Variants in BMPR1B observed in about 807,000 individuals in gnomAD.
BMPR1B encodes the protein bone morphogenetic protein receptor type-1B.
Under a neutral mutation model 59.1 loss-of-function variants are expected in BMPR1B, and 12 were observed. That is an observed-to-expected ratio of 0.20 (90% CI 0.13 to 0.33). The LOEUF (loss-of-function observed/expected upper bound fraction) is 0.33, where lower values mean the gene tolerates loss of function less well. Among genes scored for constraint, BMPR1B ranks in the 10% least tolerant of loss-of-function variants. BMPR1B has a pLI of 1.00. For synonymous variants in BMPR1B, 237 were observed against 207.3 expected (o/e 1.14, Z -1.23); for missense variants, 550 against 610.9 (o/e 0.90, Z 1.05).
intron 12 of BMPR1B, among the ~76,000 whole-genome samples, chr4:95,154,262 A>G (rs1735256369): frequency 6.6e-6 from 1 of 152,222 alleles, no homozygotes; most frequent in African/African-American, 2.4e-5. Flanking sequence ...TGAGTGGAAT[A>G]CAGACTCCCT....
chr4:95,103,449 C>G lies in BMPR1B; in HGVS notation c.-17-959C>G, dbSNP rs565486506. Reference sequence around the variant, plus strand: ...GAGAGATTTTAAATTGAAAACTGCTCACGGTGACAATTTATGCAGTTACAT... The same window carrying G: ...GAGAGATTTTAAATTGAAAACTGCTGACGGTGACAATTTATGCAGTTACAT... On this transcript the variant is annotated intron_variant, in intron 3 of 12. Transcript: ENST00000515059. 9 of 985,136 alleles carry G rather than the reference C, an allele frequency of 9.1e-6. No homozygotes were observed. The East Asian group carries it at 3.4e-4, about 37-fold the overall frequency. The allele number at this position is 985,136 out of a possible 1,614,324, so 61.0% of individuals were successfully genotyped here. A position where few individuals can be genotyped will look rare whatever the true frequency, so the allele number is the denominator to read the frequency against.
intron 1 of BMPR1B, among the ~76,000 whole-genome samples, chr4:94,790,772 T>G (rs2110601707): frequency 6.6e-6 from 1 of 152,348 alleles, no homozygotes; most frequent in South Asian, 2.1e-4. Flanking sequence ...TTTTGGTAAC[T>G]TTTAAATGAA....
At position 94,921,878 on chromosome 4, in the gene BMPR1B, GT is replaced by G. The variant is rs762386775; in HGVS notation, c.-113+45980del. 4.9e-4 allele frequency among the ~76,000 whole-genome samples: 75 copies of G among 151,940 alleles called. No homozygotes were observed. The Middle Eastern group carries it at 0.014, about 28-fold the overall frequency. ...AGTCCTTTTTTTGTAATCTAAATAT[GT>G]TCATCTTTAAAAGAAGATCCTAATA... On this transcript the variant is annotated intron_variant, in intron 2 of 12. Transcript: ENST00000515059.
At chr4:94,971,355 C>T (rs896811500) in intron 2 of BMPR1B, among the ~76,000 whole-genome samples, 2 of 152,060 alleles carry the variant, frequency 1.3e-5, no homozygotes, top group Non-Finnish European at 2.9e-5. Context: ...ATAAAACCTA[C>T]TAAGGGTATG....
rs952078368 is a variant in BMPR1B, at chr4:94,906,143, C to G, written c.-113+30243C>G. 7.9e-5 allele frequency among the ~76,000 whole-genome samples: 12 copies of G among 152,022 alleles called. No individual in the cohort carries two copies. The Middle Eastern group carries it at 0.01, about 129-fold the overall frequency. ...ATTCACATTATCTCCAATGACTCTA[C>G]TTTTTCCTGGCTGCTAAAGATAAAT... On this transcript the variant is annotated intron_variant, in intron 2 of 12. Coordinates refer to ENST00000515059, the MANE Select transcript of BMPR1B (RefSeq NM_001203.3).
intron 2 of BMPR1B, among the ~76,000 whole-genome samples, chr4:94,887,732 A>G (rs936423597): frequency 5.9e-5 from 9 of 152,078 alleles, no homozygotes; most frequent in Non-Finnish European, 1.0e-4. Flanking sequence ...AAAATGGGTC[A>G]TAGAGAAAGT....
chr4:95,138,892 G>T (rs1039425591), intron 10 of BMPR1B, among the ~76,000 whole-genome samples: 2 of 152,142 alleles, frequency 1.3e-5, no homozygotes, highest in Admixed American at 1.3e-4. Flanking sequence ...AATGCCGATT[G>T]TCTGAAGCCT....
At chr4:94,906,204 A>G (rs1476148489) in intron 2 of BMPR1B, among the ~76,000 whole-genome samples, 1 of 151,988 alleles carries the variant, frequency 6.6e-6, no homozygotes, top group Non-Finnish European at 1.5e-5. Flanking sequence ...CTGTTGATAT[A>G]TTGGGTAAGT....
chr4:94,978,957 CA>C (rs1164095445), intron 2 of BMPR1B, among the ~76,000 whole-genome samples: 1 of 151,636 alleles, frequency 6.6e-6, no homozygotes, highest in East Asian at 1.9e-4. Context: ...CATACACACA[CA>C]CACACACACA....
chr4:94,970,973 A>G (rs1358849597), intron 2 of BMPR1B, among the ~76,000 whole-genome samples: 1 of 152,218 alleles, frequency 6.6e-6, no homozygotes, highest in African/African-American at 2.4e-5. Context: ...CACAGTCTTA[A>G]TACATTTTAC....
chr4:94,761,296 T>C (rs555948886), intron 1 of BMPR1B, among the ~76,000 whole-genome samples: 4 of 152,202 alleles, frequency 2.6e-5, no homozygotes, highest in Non-Finnish European at 5.9e-5. Flanking sequence ...CCTTGACTCC[T>C]AAATTATTTC....
chr4:95,091,277 TTTTGTTTTG>T (rs1329409018), intron 3 of BMPR1B, among the ~76,000 whole-genome samples: 90 of 148,852 alleles, frequency 6.0e-4, no homozygotes, highest in African/African-American at 2.2e-3. Context: ...TTTCTTTTTT[TTTTGTTTTG>T]TTTTGTTTTG....
rs200984246 is a variant in BMPR1B, at chr4:95,006,542, ATT to A, written c.-18+10424_-18+10425del. 1.9e-3 allele frequency among the ~76,000 whole-genome samples: 260 copies of A among 135,970 alleles called. 2 individuals carry two copies. Among genetic ancestry groups the A allele is most frequent in the African/African-American group, 5.4e-3 (195 of 36,134 alleles). The allele number at this position is 135,970 out of a possible 152,430, so 89.2% of individuals were successfully genotyped here. The stretch of plus-strand genomic sequence containing the variant: ...GAGATAAGAAATCAAATACCTTCTG[ATT>A]TTTTTTTTTTTTTTTGAGATGGAGT... On this transcript the variant is annotated intron_variant, in intron 3 of 12. Coordinates refer to ENST00000515059, the MANE Select transcript of BMPR1B (RefSeq NM_001203.3).
chr4:94,772,908 A>G (rs1218610254), intron 1 of BMPR1B, among the ~76,000 whole-genome samples: 1 of 152,136 alleles, frequency 6.6e-6, no homozygotes, highest in Non-Finnish European at 1.5e-5. Flanking sequence ...GACCCTTCAT[A>G]ATTGTATTAT....
chr4:95,115,867 C>T (rs1731990336), intron 6 of BMPR1B, 80 bp downstream of exon 6: 1 of 1,280,142 alleles, frequency 7.8e-7, no homozygotes, highest in African/African-American at 1.5e-5. Context: ...CGTTCTCTCT[C>T]AATCTACCTG....
intron 2 of BMPR1B, among the ~76,000 whole-genome samples, chr4:94,988,201 T>A (rs138278078): frequency 6.6e-6 from 1 of 152,240 alleles, no homozygotes; most frequent in African/African-American, 2.4e-5. Context: ...GTCCTTCATG[T>A]CATATAAATA....
intron 2 of BMPR1B, among the ~76,000 whole-genome samples, chr4:94,991,208 C>T (rs1721733793): frequency 6.6e-6 from 1 of 152,134 alleles, no homozygotes; most frequent in East Asian, 1.9e-4. Context: ...GTTTTTCAGT[C>T]TTTATGCCCT....
chr4:95,150,172 A>G (rs537257434), intron 11 of BMPR1B, among the ~76,000 whole-genome samples: 57 of 152,334 alleles, frequency 3.7e-4, no homozygotes, highest in African/African-American at 1.3e-3. Context: ...AATAGAACAC[A>G]TACTCTCTGA....
intron 1 of BMPR1B, among the ~76,000 whole-genome samples, chr4:94,872,727 CAAT>C (rs1365271036): frequency 2.0e-5 from 3 of 152,076 alleles, no homozygotes; most frequent in Non-Finnish European, 4.4e-5. Context: ...CAAAAATAAA[CAAT>C]AACCAATTTC....
Sources: gnomAD v4.1 joint callset for allele counts (sites outside exome capture counted in the v4.1 genomes callset) on GRCh38, gnomAD v4.1.1 for gene constraint, MANE v1.5 for transcripts, NCBI Gene and HGNC (gene_info 2026-07-23, HGNC 2026-07-21) for gene names.